The following CHST9 variants were observed in gnomAD, a reference collection of about 807,000 sequenced individuals.
The protein encoded by CHST9 is carbohydrate sulfotransferase 9, also known as GalNAc-4-sulfotransferase 2.
CHST9 carries 41 observed loss-of-function variants against 44.4 expected under a neutral mutation model. The ratio of observed to expected loss-of-function variants is 0.92; its 90% CI spans 0.72 to 1.20. CHST9 has a LOEUF of 1.20. Among genes scored for constraint, CHST9 ranks in the 50% most tolerant of loss-of-function variants. The pLI, the probability that CHST9 is intolerant of heterozygous loss-of-function variation, is 0.00. For synonymous variants in CHST9, 171 were observed against 178.4 expected, an observed-to-expected ratio of 0.96 and a Z score of 0.33; for missense variants, 504 against 516.5, an observed-to-expected ratio of 0.98 and a Z score of 0.23.
At chr18:27,004,128 A>T (rs1568128998) in intron 4 of CHST9, among the ~76,000 whole-genome samples, 1 of 152,220 alleles carries the variant, frequency 6.6e-6, no homozygotes, top group South Asian at 2.1e-4. Context: ...AAGAACAGTA[A>T]AGTGGAAGAA....
chr18:26,977,814 G>A (rs566574200), intron 4 of CHST9, among the ~76,000 whole-genome samples: 1 of 152,204 alleles, frequency 6.6e-6, no homozygotes, highest in East Asian at 1.9e-4. Context: ...CATTCCAAGT[G>A]GTGACATTTA....
chr18:26,946,524 G>C (rs1039897583), intron 4 of CHST9, among the ~76,000 whole-genome samples: 2 of 152,160 alleles, frequency 1.3e-5, no homozygotes, highest in Non-Finnish European at 2.9e-5. Flanking sequence ...ATCCTCTCAA[G>C]AACAGTGGGA....
In CHST9 at chr18:26,956,759, A is replaced by C. The variant is rs114388136; in HGVS notation, c.203-12393T>G. Among the ~76,000 whole-genome samples the C allele has an allele frequency of 5.9e-3, 905 of 152,320 alleles. 5 individuals are homozygous for C. Among genetic ancestry groups the C allele is most frequent in the African/African-American group, 0.02 (825 of 41,576 alleles). On this transcript the variant is annotated intron_variant, in intron 4 of 5. Transcript: ENST00000618847. ...ATAAGCCTTTGCTAATAAAAGATTA[A>C]GAAGTATGTGGCTTAGCATCTTTTA...
chr18:26,921,944 C>CT (rs1181137703), intron 5 of CHST9, among the ~76,000 whole-genome samples: 3 of 152,262 alleles, frequency 2.0e-5, no homozygotes, highest in South Asian at 4.1e-4. Flanking sequence ...CATAATACTT[C>CT]TTTTTTTGTA....
In CHST9 at chr18:26,916,141, A is replaced by T; in HGVS notation, c.*118T>A. 1 of 836,232 alleles carries T rather than the reference A, an allele frequency of 1.2e-6. No homozygotes were observed. Among genetic ancestry groups the T allele is most frequent in the Non-Finnish European group, 1.9e-6 (1 of 538,638 alleles). 51.8% of individuals were successfully genotyped at this position (836,232 alleles called of 1,614,324 possible). ...ATACTATTTGGTAAAAATCTACATT[A>T]AATCAAGACAACTGCACTTGGTTAA... On this transcript the variant is annotated 3_prime_UTR_variant, in exon 6 of 6. Coordinates refer to ENST00000618847, the MANE Select transcript of CHST9 (RefSeq NM_031422.6).
rs114682956 is a variant in CHST9 at position 27,096,525 on chromosome 18, A to G, written c.121+46164T>C. 4.4e-3 allele frequency among the ~76,000 whole-genome samples: 666 copies of G among 152,200 alleles called. 4 individuals are homozygous for G. Among genetic ancestry groups the G allele is most frequent in the African/African-American group, 0.016 (646 of 41,570 alleles). ...CTCTGAAAGGATAAGCAAGATTGGT[A>G]GATTGCTAGCTAGATTAACAAAGAA... On this transcript the variant is annotated intron_variant, in intron 2 of 5. Transcript: ENST00000618847.
At position 26,915,028 on chromosome 18, in the gene CHST9, A is replaced by G. The variant is rs2145040256; in HGVS notation, c.*1231T>C. On this transcript the variant is annotated 3_prime_UTR_variant, in exon 6 of 6. Coordinates refer to ENST00000618847, the MANE Select transcript of CHST9 (RefSeq NM_031422.6). ...GGATCCCTTGGAAAAAAATTCCAAA[A>G]TGCATTACAACTATTCATAAGGGTG... The G allele has an allele frequency of 2.5e-6, 1 of 397,644 alleles. No individual in the cohort carries two copies. The allele number at this position is 397,644 out of a possible 1,614,324, so 24.6% of individuals were successfully genotyped here. A position where few individuals can be genotyped will look rare whatever the true frequency, so the allele number is the denominator to read the frequency against.
In CHST9 at chr18:27,094,526, T is replaced by A. The variant is rs147112225; in HGVS notation, c.122-46023A>T. On this transcript the variant is annotated intron_variant, in intron 2 of 5. Transcript: ENST00000618847. ...AAGAGATTTAGCAATTTCTTATGTA[T>A]AACTATTTTATGTTGATAATAATGT... 3.7e-3 allele frequency among the ~76,000 whole-genome samples: 569 copies of A among 152,342 alleles called. 9 individuals are homozygous for A. The highest frequency in any genetic ancestry group is 0.026 in the Admixed American group (400 of 15,308).
chr18:27,084,846 TG>T (rs1474605432), intron 2 of CHST9, among the ~76,000 whole-genome samples: 1 of 152,114 alleles, frequency 6.6e-6, no homozygotes, highest in Admixed American at 6.6e-5. Context: ...ACTAGTATGC[TG>T]TATCTCTGTT....
chr18:27,069,046 A>C (rs1337565826), intron 2 of CHST9, among the ~76,000 whole-genome samples: 2 of 152,206 alleles, frequency 1.3e-5, no homozygotes, highest in Non-Finnish European at 2.9e-5. Flanking sequence ...TCAGGTTGCC[A>C]AATTGCCTGG....
chr18:26,999,941 G>A (rs2056929509), intron 4 of CHST9, among the ~76,000 whole-genome samples: 1 of 152,176 alleles, frequency 6.6e-6, no homozygotes. Flanking sequence ...TTTAGTAGCT[G>A]GTTATAAAGC....
Position 26,956,501 on chromosome 18 carries a change from T to C in CHST9, c.203-12135A>G, listed in dbSNP as rs566716206. ...TATAATATACAATTTTTTATATATA[T>C]ACACACACACAATTATATTATTTTT... On this transcript the variant is annotated intron_variant, in intron 4 of 5. Transcript: ENST00000618847. Among the ~76,000 whole-genome samples the C allele has an allele frequency of 4.0e-5, 6 of 149,400 alleles. No homozygotes were observed. In the South Asian group the frequency reaches 6.3e-4, roughly 16 times the overall value.
intron 4 of CHST9, among the ~76,000 whole-genome samples, chr18:26,998,764 G>T (rs987536413): frequency 6.9e-6 from 1 of 145,422 alleles, no homozygotes. Flanking sequence ...AAGAAAGAAA[G>T]AAAAAAAGAA....
In CHST9 at chr18:26,914,505, G is replaced by C. The variant is rs2055485205; in HGVS notation, c.*1754C>G. 1 of 156,526 alleles carries C rather than the reference G, an allele frequency of 6.4e-6. No homozygotes were observed. Among genetic ancestry groups the C allele is most frequent in the Non-Finnish European group, 1.4e-5 (1 of 71,132 alleles). 9.7% of individuals were successfully genotyped at this position (156,526 alleles called of 1,614,324 possible). ...AAATTATGTAATTTAGATTACTCCA[G>C]AGTAAAACGTCTTAAAAACTGAGAG... On this transcript the variant is annotated 3_prime_UTR_variant, in exon 6 of 6. Coordinates refer to ENST00000618847, the MANE Select transcript of CHST9 (RefSeq NM_031422.6).
chr18:26,995,237 C>A (rs1598623467), intron 4 of CHST9, among the ~76,000 whole-genome samples: 1 of 137,910 alleles, frequency 7.3e-6, no homozygotes, highest in East Asian at 2.2e-4. Flanking sequence ...TCCTGGCTAA[C>A]ACGGTGAAAC....
intron 1 of CHST9, among the ~76,000 whole-genome samples, chr18:27,181,629 G>A (rs1378697535): frequency 1.3e-5 from 2 of 152,116 alleles, no homozygotes; most frequent in African/African-American, 4.8e-5. Flanking sequence ...ATAGTAAGAT[G>A]CATACATTAA....
chr18:27,152,675 A>T (rs2143901723), intron 1 of CHST9, among the ~76,000 whole-genome samples: 1 of 152,310 alleles, frequency 6.6e-6, no homozygotes, highest in Non-Finnish European at 1.5e-5. Context: ...TCATTGCATT[A>T]AGTAACATGT....
intron 1 of CHST9, among the ~76,000 whole-genome samples, chr18:27,181,314 C>A (rs1466311633): frequency 2.6e-5 from 4 of 152,158 alleles, no homozygotes; most frequent in Non-Finnish European, 4.4e-5. Context: ...CATCTACAAC[C>A]CATTTTGCCC....
chr18:26,930,857 A>C (rs1048711039), intron 5 of CHST9: 4 of 137,160 alleles, frequency 2.9e-5, no homozygotes, highest in African/African-American at 1.1e-4. Context: ...GAGGGGAGGG[A>C]GCTGGGGGCA....
Sources: allele counts gnomAD v4.1 joint callset (sites outside exome capture counted in the v4.1 genomes callset), GRCh38; gene constraint gnomAD v4.1.1; transcripts MANE v1.5; gene names NCBI Gene and HGNC (gene_info 2026-07-23, HGNC 2026-07-21).